HCN1: variants seen among roughly 807,000 people sequenced by gnomAD.
HCN1 encodes the protein hyperpolarization activated cyclic nucleotide gated potassium channel 1.
Under a neutral mutation model 78.9 loss-of-function variants are expected in HCN1, and 13 were observed. That is an observed-to-expected ratio of 0.16 (90% CI 0.11 to 0.26). The LOEUF is 0.26. Ranked by LOEUF, HCN1 falls within the 10% of genes least tolerant of loss-of-function variation. The probability of loss-of-function intolerance (pLI) is 1.00; values close to 1 mark genes in which losing one functional copy is unlikely to be tolerated. For missense variants in HCN1, 810 were observed against 1,154.3 expected, an observed-to-expected ratio of 0.70 and a Z score of 4.32; for synonymous variants, 552 against 455.5, an observed-to-expected ratio of 1.21 and a Z score of -2.70.
chr5:45,484,280 A>C (rs189694024), intron 2 of HCN1, among the ~76,000 whole-genome samples: 1 of 152,138 alleles, frequency 6.6e-6, no homozygotes, highest in Non-Finnish European at 1.5e-5. Flanking sequence ...AAAAAATACA[A>C]AAAAATTAGC....
rs578129514 is a variant in HCN1 at position 45,278,589 on chromosome 5, G to A, written c.1619-11336C>T. Among the ~76,000 whole-genome samples the A allele has an allele frequency of 3.3e-5, 5 of 152,126 alleles. No individual in the cohort carries two copies. The East Asian group carries it at 9.6e-4, about 29-fold the overall frequency. ...TTACAATCATAAAAATGCCACTGAG[G>A]TTTTGAGTTTAAAAAGTTTGTATGT... On this transcript the variant is annotated intron_variant, in intron 6 of 7. Coordinates refer to ENST00000303230, the MANE Select transcript of HCN1 (RefSeq NM_021072.4).
intron 5 of HCN1, among the ~76,000 whole-genome samples, chr5:45,319,204 G>C (rs761047279): frequency 1.3e-5 from 2 of 151,954 alleles, no homozygotes; most frequent in Non-Finnish European, 2.9e-5. Flanking sequence ...TTTGGCTTGA[G>C]TGTACACCAT....
chr5:45,631,480 T>C (rs1023079843), intron 2 of HCN1, among the ~76,000 whole-genome samples: 1 of 152,082 alleles, frequency 6.6e-6, no homozygotes, highest in Non-Finnish European at 1.5e-5. Context: ...CCACCTATGA[T>C]GGTTATGTAG....
intron 2 of HCN1, among the ~76,000 whole-genome samples, chr5:45,509,367 T>C (rs1443764832): frequency 6.6e-6 from 1 of 152,076 alleles, no homozygotes; most frequent in Admixed American, 6.6e-5. Flanking sequence ...CATTTAACTA[T>C]ATATGCTCAC....
At chr5:45,271,519 C>T (rs951848203) in intron 6 of HCN1, among the ~76,000 whole-genome samples, 20 of 152,126 alleles carry the variant, frequency 1.3e-4, no homozygotes, top group Middle Eastern at 6.8e-3. Context: ...ATTAGACACC[C>T]ATTTATATTC....
chr5:45,333,222 G>A (rs1044128045), intron 5 of HCN1, among the ~76,000 whole-genome samples: 7 of 151,500 alleles, frequency 4.6e-5, no homozygotes, highest in East Asian at 1.9e-4. Context: ...TTTGATTTGC[G>A]TTTCTCTGAT....
At chr5:45,372,114 AT>A (rs1486757530) in intron 4 of HCN1, among the ~76,000 whole-genome samples, 2 of 54,288 alleles carry the variant, frequency 3.7e-5, no homozygotes, top group African/African-American at 2.1e-4. Flanking sequence ...ATATAATATA[AT>A]TATATATTAT....
chr5:45,511,220 T>C (rs893883396), intron 2 of HCN1, among the ~76,000 whole-genome samples: 1 of 151,934 alleles, frequency 6.6e-6, no homozygotes, highest in Non-Finnish European at 1.5e-5. Flanking sequence ...TAAAATAAAT[T>C]TCCATGAGTC....
chr5:45,537,416 A>G (rs1199455049), intron 2 of HCN1, among the ~76,000 whole-genome samples: 3 of 150,132 alleles, frequency 2.0e-5, no homozygotes, highest in Non-Finnish European at 4.4e-5. Flanking sequence ...TTTTTTAACA[A>G]TACCTCTGTT....
At chr5:45,342,791 T>A (rs1010738647) in intron 5 of HCN1, among the ~76,000 whole-genome samples, 4 of 152,188 alleles carry the variant, frequency 2.6e-5, no homozygotes, top group Admixed American at 6.5e-5. Flanking sequence ...ATACAAATAC[T>A]TGTTTTTAAA....
intron 6 of HCN1, among the ~76,000 whole-genome samples, chr5:45,288,462 G>A (rs1268829020): frequency 6.6e-6 from 1 of 151,874 alleles, no homozygotes; most frequent in African/African-American, 2.4e-5. Flanking sequence ...GTCTGAAAGG[G>A]GCTGTAGAAA....
intron 2 of HCN1, among the ~76,000 whole-genome samples, chr5:45,629,854 T>G (rs1384777930): frequency 2.0e-5 from 3 of 152,200 alleles, no homozygotes; most frequent in Non-Finnish European, 4.4e-5. Flanking sequence ...CATCCACAAT[T>G]AATAAATTAT....
intron 5 of HCN1, among the ~76,000 whole-genome samples, chr5:45,305,344 C>T (rs2111907589): frequency 6.6e-6 from 1 of 152,242 alleles, no homozygotes; most frequent in South Asian, 2.1e-4. Flanking sequence ...GGTGTTTCAT[C>T]CTGAACAATA....
intron 3 of HCN1, among the ~76,000 whole-genome samples, chr5:45,402,673 C>A (rs1739838989): frequency 6.6e-6 from 1 of 152,070 alleles, no homozygotes; most frequent in African/African-American, 2.4e-5. Context: ...TTTGAGAAGA[C>A]AGTATCTACA....
chr5:45,292,824 T>G (rs1457139731), intron 6 of HCN1, among the ~76,000 whole-genome samples: 2 of 152,036 alleles, frequency 1.3e-5, no homozygotes, highest in Admixed American at 6.6e-5. Context: ...CTTCTACCCA[T>G]CTACTCATTC....
chr5:45,570,855 C>T (rs1743812835), intron 2 of HCN1, among the ~76,000 whole-genome samples: 1 of 152,034 alleles, frequency 6.6e-6, no homozygotes, highest in East Asian at 1.9e-4. Context: ...ATGTAAAAAC[C>T]TGCTGCGGAA....
rs144515213 is a variant in HCN1 at position 45,305,309 on chromosome 5, A to G, written c.1378-1470T>C. On this transcript the variant is annotated intron_variant, in intron 5 of 7. Transcript: ENST00000303230. Reference sequence around the variant, plus strand: ...TCCAGGTGATAACAGAAGGCACAACATTTTGAATCTATCTTGGAAGAGAAG... The same window carrying G: ...TCCAGGTGATAACAGAAGGCACAACGTTTTGAATCTATCTTGGAAGAGAAG... 4.1e-4 allele frequency among the ~76,000 whole-genome samples: 63 copies of G among 152,320 alleles called. No individual in the cohort carries two copies. In the East Asian group the frequency reaches 8.9e-3, roughly 22 times the overall value.
intron 4 of HCN1, among the ~76,000 whole-genome samples, chr5:45,354,934 T>C (rs892551290): frequency 5.9e-5 from 9 of 152,028 alleles, no homozygotes; most frequent in African/African-American, 2.2e-4. Context: ...TTAGTGCTTG[T>C]ATGCAAAGAC....
chr5:45,417,220 G>A (rs1345426249), intron 3 of HCN1, among the ~76,000 whole-genome samples: 2 of 151,564 alleles, frequency 1.3e-5, no homozygotes, highest in African/African-American at 4.8e-5. Context: ...CATTTTTTTT[G>A]TCTCTAGGTG....
Sources: gnomAD v4.1 joint callset for allele counts (sites outside exome capture counted in the v4.1 genomes callset) on GRCh38, gnomAD v4.1.1 for gene constraint, MANE v1.5 for transcripts, NCBI Gene and HGNC (gene_info 2026-07-23, HGNC 2026-07-21) for gene names.